Variants in IQGAP3 observed in about 807,000 individuals in gnomAD.
IQGAP3 encodes the protein ras GTPase-activating-like protein IQGAP3.
A neutral mutation model predicts 208.2 loss-of-function variants in IQGAP3; 165 were observed. That is an observed-to-expected ratio of 0.79 (90% CI 0.70 to 0.90). IQGAP3 has a LOEUF of 0.90. Among genes scored for constraint, IQGAP3 ranks in the 40% least tolerant of loss-of-function variants. The pLI is 0.00. For synonymous variants in IQGAP3, 703 were observed against 803.6 expected (o/e 0.87, Z 2.12); for missense variants, 1,811 against 2,043.1 (o/e 0.89, Z 2.19).
chr1:156,566,437 C>A lies in IQGAP3; in HGVS notation c.235G>T (p.Val79Leu). Residue 79 changes from valine to leucine, a missense_variant, in exon 3 of 38, where the codon GTG becomes TTG. Transcript: ENST00000361170. ...AKLGHCFAPS[V>L]VPLKKIYDVE... ...TCGTAGATCTTCTTCAAGGGAACCA[C>A]GGAGGGTGCAAAACAGTGGCCTAGC... 1.2e-6 allele frequency: 2 copies of A among 1,614,128 alleles called. No homozygotes were observed. Among genetic ancestry groups the A allele is most frequent in the Non-Finnish European group, 8.5e-7 (1 of 1,180,010 alleles).
Position 156,560,968 on chromosome 1 carries a change from A to T in IQGAP3, c.1095T>A (p.Ala365=), listed in dbSNP as rs763585089. 1.1e-5 allele frequency: 17 copies of T among 1,613,796 alleles called. No individual in the cohort carries two copies. The highest frequency in any genetic ancestry group is 1.4e-5 in the Non-Finnish European group (16 of 1,179,896). Residue 365 remains alanine, a synonymous_variant, in exon 11 of 38, where the codon GCT becomes GCA. Coordinates refer to ENST00000361170, the MANE Select transcript of IQGAP3 (RefSeq NM_178229.5). The stretch of plus-strand genomic sequence containing the variant: ...CCTGATCACCCTTTGTGTTGGCTGC[A>T]GCCACACCAGCCTGGACTTCCTCCT... ...LEKEEVQAGV[A]AANTKGDQEQ... is the part of the protein sequence containing the mutation.
Position 156,572,420 on chromosome 1 carries a change from C to T in IQGAP3, c.37+73G>A, listed in dbSNP as rs1002135213. Reference sequence around the variant, plus strand: ...CTTCACGCCCGACACACGCCCCAATCTCTCCCGGGACAGCCAAGCCCCCGA... The same window carrying T: ...CTTCACGCCCGACACACGCCCCAATTTCTCCCGGGACAGCCAAGCCCCCGA... On this transcript the variant is annotated intron_variant, in intron 1 of 37. Coordinates refer to ENST00000361170, the MANE Select transcript of IQGAP3 (RefSeq NM_178229.5). The T allele has an allele frequency of 1.1e-5, 17 of 1,497,394 alleles. No individual in the cohort carries two copies. In the East Asian group the frequency reaches 3.4e-4, roughly 30 times the overall value. 92.8% of individuals were successfully genotyped at this position (1,497,394 alleles called of 1,614,324 possible). A position where few individuals can be genotyped will look rare whatever the true frequency, so the allele number is the denominator to read the frequency against.
chr1:156,553,651 G>A (rs1053703353), intron 13 of IQGAP3, among the ~76,000 whole-genome samples: 4 of 148,246 alleles, frequency 2.7e-5, no homozygotes, highest in East Asian at 2.0e-4. Flanking sequence ...GTGCGATCTC[G>A]GCTCAACACA....
chr1:156,540,712 A>G lies in IQGAP3; in HGVS notation c.2735T>C (p.Leu912Pro). ...GAGGACTGGTGGGCCCCATACCTGC[A>G]GAGTGATCCGGTTCTTCACCAGCAG... is the stretch of plus-strand genomic sequence containing the variant. ...IGLLVKNRIT[L>P]QEVVSHCKKL... Residue 912 changes from leucine (L) to proline (P), a missense_variant, in exon 23 of 38, where the codon CTG (leucine) becomes CCG (proline). Physicochemically the swap from Leu to Pro is moderately conservative, Grantham distance 98. Coordinates refer to ENST00000361170, the MANE Select transcript of IQGAP3 (RefSeq NM_178229.5). The G allele has an allele frequency of 6.2e-7, 1 of 1,613,886 alleles. No individual in the cohort carries two copies. Among genetic ancestry groups the G allele is most frequent in the Non-Finnish European group, 8.5e-7 (1 of 1,179,902 alleles).
At chr1:156,532,924 C>A in intron 32 of IQGAP3, 56 bp downstream of exon 32, 1 of 1,604,318 alleles carries the variant, frequency 6.2e-7, no homozygotes, top group Non-Finnish European at 8.5e-7. Context: ...GGCCATTTTA[C>A]TGGCCTCAGG....
rs537674746 is a variant in IQGAP3, at chr1:156,525,598, A to G, written c.*888T>C. The G allele has an allele frequency of 6.6e-6, 1 of 152,592 alleles. No homozygotes were observed. Among genetic ancestry groups the G allele is most frequent in the South Asian group, 2.1e-4 (1 of 4,824 alleles). 9.5% of individuals were successfully genotyped at this position (152,592 alleles called of 1,614,324 possible). A position where few individuals can be genotyped will look rare whatever the true frequency, so the allele number is the denominator to read the frequency against. ...GGAAAGACTCCTCTTTGATCTTATG[A>G]AGCTGAAATAACAAGATCTTAAACA... On this transcript the variant is annotated 3_prime_UTR_variant, in exon 38 of 38. Transcript: ENST00000361170.
At chr1:156,534,776 C>A in intron 28 of IQGAP3, 43 bp from the exon 29 acceptor site, 1 of 1,372,506 alleles carries the variant, frequency 7.3e-7, no homozygotes, top group Non-Finnish European at 9.7e-7. Flanking sequence ...CAGGGGCCGC[C>A]TTGACTGGTG....
Position 156,556,645 on chromosome 1 carries a change from G to A in IQGAP3, c.1178C>T (p.Ala393Val), listed in dbSNP as rs202099740. Residue 393 changes from alanine (A) to valine (V), a missense_variant, in exon 12 of 38, where the codon GCG becomes GTG. By Grantham distance (64) the Ala-to-Val change is moderately conservative. Coordinates refer to ENST00000361170, the MANE Select transcript of IQGAP3 (RefSeq NM_178229.5). ...CATCAGCTCCTTCACAGTGTCAGCC[G>A]CCACTCTCCTCCGGATGGCTTTGTT... is the stretch of plus-strand genomic sequence containing the variant. ...RINKAIRRRV[A>V]ADTVKELMCP... 38 of 1,608,416 alleles carry A rather than the reference G, an allele frequency of 2.4e-5. No homozygotes were observed. Among genetic ancestry groups the A allele is most frequent in the Middle Eastern group, 1.7e-4 (1 of 5,942 alleles).
intron 25 of IQGAP3, 124 bp downstream of exon 25, chr1:156,539,250 G>T: frequency 2.0e-6 from 2 of 994,926 alleles, no homozygotes; most frequent in Non-Finnish European, 3.0e-6. Context: ...AGGAGGTAGA[G>T]AAAAGAGGTC....
Position 156,527,213 on chromosome 1 carries a change from A to G in IQGAP3, c.4783-614T>C, listed in dbSNP as rs974273038. ...AACTACTGCTCGGCTGGGCATGGTG[A>G]CTCATGCCTGTAAATCCCAGCATTT... On this transcript the variant is annotated intron_variant, in intron 37 of 37. Coordinates refer to ENST00000361170, the MANE Select transcript of IQGAP3 (RefSeq NM_178229.5). 9.3e-5 allele frequency among the ~76,000 whole-genome samples: 14 copies of G among 150,986 alleles called. No homozygotes were observed. In the East Asian group the frequency reaches 9.9e-4, roughly 11 times the overall value.
rs1364287576 is a variant in IQGAP3 at position 156,551,569 on chromosome 1, AT to A, written c.1734+135del. ...CAACAGGGCCATCCTTCTTTACCAG[AT>A]TGGAACACCCCCCTCACCCCCACCC... On this transcript the variant is annotated intron_variant, in intron 15 of 37. Coordinates refer to ENST00000361170, the MANE Select transcript of IQGAP3 (RefSeq NM_178229.5). 8.9e-6 allele frequency: 8 copies of A among 895,310 alleles called. No homozygotes were observed. The Admixed American group carries it at 9.0e-5, about 10-fold the overall frequency. The allele number at this position is 895,310 out of a possible 1,614,324, so 55.5% of individuals were successfully genotyped here.
Position 156,537,220 on chromosome 1 carries a change from T to G in IQGAP3, c.3383A>C (p.Lys1128Thr). The change falls in exon 27 of 38, where the codon AAG (lysine) becomes ACG (threonine). Residue 1128 changes from lysine (K) to threonine (T), a missense_variant. Transcript: ENST00000361170. ...ALRNLLAMTD[K>T]FLLAITSSVD... ...AGATGAGGTGATGGCTAAAAGGAAC[T>G]TATCAGTCATGGCGAGGAGGTTGCG... 1 of 1,614,062 alleles carries G rather than the reference T, an allele frequency of 6.2e-7. No homozygotes were observed.
chr1:156,531,476 T>C (rs1211892584), intron 32 of IQGAP3, among the ~76,000 whole-genome samples: 1 of 151,934 alleles, frequency 6.6e-6, no homozygotes, highest in African/African-American at 2.4e-5. Flanking sequence ...CACCCAGCCA[T>C]CCCTTCTCCT....
At chr1:156,565,759 A>C (rs1676373358) in intron 4 of IQGAP3, among the ~76,000 whole-genome samples, 1 of 152,198 alleles carries the variant, frequency 6.6e-6, no homozygotes, top group African/African-American at 2.4e-5. Context: ...CGAGCATGAC[A>C]TAGCAGCCTC....
intron 26 of IQGAP3, among the ~76,000 whole-genome samples, chr1:156,538,483 T>A (rs1188121434): frequency 1.3e-5 from 2 of 152,220 alleles, no homozygotes; most frequent in Non-Finnish European, 2.9e-5. Context: ...AGCCACTATG[T>A]CCGGCCCTAC....
At chr1:156,540,964 G>T (rs902125435) in intron 22 of IQGAP3, 48 bp from the exon 23 acceptor site, 3 of 1,518,256 alleles carry the variant, frequency 2.0e-6, no homozygotes, top group East Asian at 2.3e-5. Flanking sequence ...CTCATCAGAG[G>T]CCTCCTCACC....
chr1:156,528,882 C>G (rs377490024), intron 35 of IQGAP3, 34 bp downstream of exon 35: 78 of 1,612,912 alleles, frequency 4.8e-5, no homozygotes, highest in Non-Finnish European at 6.3e-5. Flanking sequence ...AGAAGTCACT[C>G]GTAACCTTCC....
At position 156,544,187 on chromosome 1, in the gene IQGAP3, G is replaced by A; in HGVS notation, c.2425C>T (p.Gln809Ter). The A allele has an allele frequency of 6.2e-7, 1 of 1,614,178 alleles. No homozygotes were observed. The change falls in exon 21 of 38, where the codon CAA (glutamine) becomes TAA (stop). Residue 809 changes from glutamine to a stop codon, truncating the protein, a stop_gained. Transcript: ENST00000361170. LOFTEE classifies it high-confidence loss of function. ...AAGTAGTGCAGACGCCTCAGGTATT[G>A]CCTCCGAGCTGCCCACATCCGGGCC... is the stretch of plus-strand genomic sequence containing the variant. The part of the protein sequence containing the change: ...AWARMWAARR[Q>*]YLRRLHYFQK...
intron 11 of IQGAP3, among the ~76,000 whole-genome samples, chr1:156,559,649 G>A (rs1262902829): frequency 2.0e-5 from 3 of 152,198 alleles, no homozygotes; most frequent in Admixed American, 6.5e-5. Context: ...GTTTTCACCC[G>A]CTCATCAACA....
Sources: gnomAD v4.1 joint callset for allele counts (sites outside exome capture counted in the v4.1 genomes callset) on GRCh38, gnomAD v4.1.1 for gene constraint, MANE v1.5 for transcripts, NCBI Gene and HGNC (gene_info 2026-07-23, HGNC 2026-07-21) for gene names.